HAAO: variants seen among roughly 807,000 people sequenced by gnomAD.
HAAO encodes 3-hydroxyanthranilate 3,4-dioxygenase, also known as 3-hydroxyanthranilate oxygenase.
Under a neutral mutation model 46.2 loss-of-function variants are expected in HAAO, and 49 were observed. That is an observed-to-expected ratio of 1.06 (90% CI 0.84 to 1.34). The LOEUF (loss-of-function observed/expected upper bound fraction) is 1.34, where lower values mean the gene tolerates loss of function less well. Ranked by LOEUF, HAAO falls within the 40% of genes most tolerant of loss-of-function variation. The pLI, the probability that HAAO is intolerant of heterozygous loss-of-function variation, is 0.00. For missense variants in HAAO, 408 were observed against 364.5 expected, an observed-to-expected ratio of 1.12 and a Z score of -0.97; for synonymous variants, 157 against 145.2, an observed-to-expected ratio of 1.08 and a Z score of -0.58.
At chr2:42,781,475 A>T (rs1020412377) in intron 4 of HAAO, among the ~76,000 whole-genome samples, 1 of 152,244 alleles carries the variant, frequency 6.6e-6, no homozygotes, top group Admixed American at 6.5e-5. Context: ...GGTATTCAAT[A>T]GCACATATCC....
intron 2 of HAAO, 165 bp from the exon 3 acceptor site, chr2:42,784,032 C>T: frequency 2.5e-6 from 2 of 810,482 alleles, no homozygotes; most frequent in Non-Finnish European, 3.0e-6. Context: ...CTCCCCGGTG[C>T]ATGCCATGGA....
intron 1 of HAAO, 75 bp downstream of exon 1, chr2:42,792,382 C>T: frequency 1.3e-6 from 1 of 768,456 alleles, no homozygotes; most frequent in African/African-American, 1.8e-5. Flanking sequence ...GAACTCGGAG[C>T]TGGAAGGTGA....
intron 2 of HAAO, among the ~76,000 whole-genome samples, chr2:42,786,056 T>C (rs1444945715): frequency 4.6e-5 from 6 of 130,768 alleles, no homozygotes; most frequent in East Asian, 4.0e-4. Context: ...TGTGTGTGTG[T>C]GTGTGTGTGT....
chr2:42,787,935 T>A (rs901094664), intron 2 of HAAO, among the ~76,000 whole-genome samples: 1 of 151,988 alleles, frequency 6.6e-6, no homozygotes, highest in Non-Finnish European at 1.5e-5. Context: ...AAATTCCCCC[T>A]CCCACCTGCC....
At chr2:42,781,960 C>T (rs183748239) in intron 4 of HAAO, among the ~76,000 whole-genome samples, 30 of 152,122 alleles carry the variant, frequency 2.0e-4, no homozygotes, top group African/African-American at 7.2e-4. Flanking sequence ...CATGATTTGT[C>T]TTTAGTAAAA....
intron 4 of HAAO, among the ~76,000 whole-genome samples, chr2:42,774,955 A>G (rs1438817600): frequency 2.6e-5 from 4 of 151,808 alleles, no homozygotes; most frequent in Non-Finnish European, 5.9e-5. Flanking sequence ...CAACACACAC[A>G]CACACGAAAA....
Position 42,770,179 on chromosome 2 carries a change from TG to T in HAAO, c.447del (p.Phe149LeufsTer24), listed in dbSNP as rs761259457. On this transcript the variant is annotated frameshift_variant, in exon 6 of 10. Coordinates refer to ENST00000294973, the MANE Select transcript of HAAO (RefSeq NM_012205.3). LOFTEE classifies it high-confidence loss of function. Reference sequence around the variant, plus strand: ...TTTCCTGTTCTGTACTGCTCAGAGCTGAAGAACCTGCAAGGACGAACAGGGA... The same window carrying T: ...TTTCCTGTTCTGTACTGCTCAGAGCTAAGAACCTGCAAGGACGAACAGGGA... ...TQLAPIIQEF[F>X]SSEQYRTGKP... is the part of the protein sequence containing the mutation. 13 of 1,599,678 alleles carry T rather than the reference TG, an allele frequency of 8.1e-6. No homozygotes were observed. The highest frequency in any genetic ancestry group is 1.3e-5 in the African/African-American group (1 of 74,504).
chr2:42,788,531 C>A lies in HAAO; in HGVS notation c.157G>T (p.Glu53Ter), dbSNP rs377670923. 3.8e-6 allele frequency: 6 copies of A among 1,596,640 alleles called. No homozygotes were observed. The South Asian group carries it at 6.6e-5, about 18-fold the overall frequency. The change falls in exon 2 of 10, where the codon GAG (glutamate) becomes TAG (stop). Residue 53 changes from glutamate to a stop codon, truncating the protein, a stop_gained and splice_region_variant. Coordinates refer to ENST00000294973, the MANE Select transcript of HAAO (RefSeq NM_012205.3). LOFTEE classifies it high-confidence loss of function. Reference sequence around the variant, plus strand: ...CCAGGGAGACCAGTCAAACCTACCTCTTCACCCTCTTCGATGTGATAGTCC... The same window carrying A: ...CCAGGGAGACCAGTCAAACCTACCTATTCACCCTCTTCGATGTGATAGTCC... The part of the protein sequence containing the change: ...RKDYHIEEGE[E>*]VFYQLEGDMV...
rs1156785111 is a variant in HAAO at position 42,783,765 on chromosome 2, T to C, written c.243+19A>G. ...GTGGCCGCCTTTCTCTTCCCCACCC[T>C]GCTGGGATCCGGCCTCACCTCTCCC... On this transcript the variant is annotated intron_variant, in intron 3 of 9. Transcript: ENST00000294973. The C allele has an allele frequency of 6.2e-7, 1 of 1,603,184 alleles. No individual in the cohort carries two copies. The highest frequency in any genetic ancestry group is 8.5e-7 in the Non-Finnish European group (1 of 1,173,258).
chr2:42,768,050 T>C, intron 7 of HAAO, 122 bp from the exon 8 acceptor site: 1 of 803,096 alleles, frequency 1.2e-6, no homozygotes, highest in South Asian at 1.5e-5. Flanking sequence ...AACAGCCCCA[T>C]CACCATGTGC....
At chr2:42,772,477 TC>T (rs1159098436) in intron 4 of HAAO, among the ~76,000 whole-genome samples, 1 of 116,836 alleles carries the variant, frequency 8.6e-6, no homozygotes, top group Non-Finnish European at 1.7e-5. Context: ...CAAGACTCCA[TC>T]TCAAAAAAAA....
chr2:42,783,509 C>T, intron 3 of HAAO, 89 bp from the exon 4 acceptor site: 4 of 857,118 alleles, frequency 4.7e-6, no homozygotes, highest in Non-Finnish European at 7.6e-6. Flanking sequence ...CCCCAGCTGA[C>T]CCCCGGGCAG....
intron 2 of HAAO, among the ~76,000 whole-genome samples, chr2:42,786,847 G>A (rs1208205977): frequency 6.6e-6 from 1 of 152,176 alleles, no homozygotes; most frequent in Non-Finnish European, 1.5e-5. Context: ...GGTAAGAGGT[G>A]TGATTTGAAC....
chr2:42,777,620 TTAAA>T (rs1671683830), intron 4 of HAAO, among the ~76,000 whole-genome samples: 2 of 152,302 alleles, frequency 1.3e-5, no homozygotes, highest in Non-Finnish European at 2.9e-5. Flanking sequence ...TTCCATAACT[TTAAA>T]TAATGACAAT....
rs377653350 is a variant in HAAO at position 42,790,532 on chromosome 2, GTTTTTTTT to G, written c.80+1917_80+1924del. On this transcript the variant is annotated intron_variant, in intron 1 of 9. Coordinates refer to ENST00000294973, the MANE Select transcript of HAAO (RefSeq NM_012205.3). ...GGGTGCTGGGGAACCTGGAAAGTTT[GTTTTTTTT>G]TTTTTTTTTTCAGATAGAGTCTTGC... 2.5e-3 allele frequency among the ~76,000 whole-genome samples: 370 copies of G among 146,854 alleles called. 3 individuals are homozygous for G. Among genetic ancestry groups the G allele is most frequent in the African/African-American group, 8.0e-3 (321 of 40,138 alleles).
chr2:42,778,291 A>T (rs1160916171), intron 4 of HAAO, among the ~76,000 whole-genome samples: 4 of 152,080 alleles, frequency 2.6e-5, no homozygotes, highest in Non-Finnish European at 4.4e-5. Flanking sequence ...ATTAAGTTAC[A>T]GGGCTTTGAC....
intron 4 of HAAO, among the ~76,000 whole-genome samples, chr2:42,778,785 G>T (rs553703017): frequency 6.6e-6 from 1 of 152,168 alleles, no homozygotes; most frequent in African/African-American, 2.4e-5. Flanking sequence ...GGGCATGGGA[G>T]ACTGTAAGGA....
intron 2 of HAAO, among the ~76,000 whole-genome samples, chr2:42,787,295 A>C (rs1293895340): frequency 1.3e-5 from 2 of 152,124 alleles, no homozygotes; most frequent in Non-Finnish European, 2.9e-5. Flanking sequence ...AGGGAAGCAA[A>C]GACAGAGGGA....
At position 42,792,582 on chromosome 2, in the gene HAAO, A is replaced by G; in HGVS notation, c.-46T>C. The G allele has an allele frequency of 2.8e-6, 4 of 1,415,434 alleles. No individual in the cohort carries two copies. The highest frequency in any genetic ancestry group is 3.8e-6 in the Non-Finnish European group (4 of 1,052,460). 87.7% of individuals were successfully genotyped at this position (1,415,434 alleles called of 1,614,324 possible). A position where few individuals can be genotyped will look rare whatever the true frequency, so the allele number is the denominator to read the frequency against. The stretch of plus-strand genomic sequence containing the variant: ...CGCAGCGCTGTCCTCCCGCCGTCGG[A>G]GGCCCGCAGCTCCGCCCAGCCGCCT... On this transcript the variant is annotated 5_prime_UTR_variant, in exon 1 of 10. Transcript: ENST00000294973.
Sources: gnomAD v4.1 joint callset for allele counts (sites outside exome capture counted in the v4.1 genomes callset) on GRCh38, gnomAD v4.1.1 for gene constraint, MANE v1.5 for transcripts, NCBI Gene and HGNC (gene_info 2026-07-23, HGNC 2026-07-21) for gene names.